Variants in ABCB1 observed in about 807,000 individuals in gnomAD.
ABCB1 encodes ATP binding cassette subfamily B member 1.
ABCB1 carries 69 observed loss-of-function variants against 142.0 expected under a neutral mutation model. That is an observed-to-expected ratio of 0.49 (90% confidence interval 0.40 to 0.59). The LOEUF is 0.59. ABCB1 is among the 20% of genes least tolerant of loss of function. ABCB1 has a pLI of 0.00. For missense variants in ABCB1, 1,326 were observed against 1,554.7 expected (o/e 0.85, Z 2.47); for synonymous variants, 532 against 539.2 (o/e 0.99, Z 0.18).
intron 1 of ABCB1, among the ~76,000 whole-genome samples, chr7:87,612,635 C>A (rs1819892354): frequency 1.3e-5 from 2 of 152,106 alleles, no homozygotes; most frequent in South Asian, 4.1e-4. Context: ...TACTTTTATA[C>A]CAGTACCATG....
At chr7:87,658,580 A>G (rs1415195360) in intron 1 of ABCB1, among the ~76,000 whole-genome samples, 1 of 152,230 alleles carries the variant, frequency 6.6e-6, no homozygotes, top group South Asian at 2.1e-4. Context: ...TTCATGCCAA[A>G]GGCACGATAA....
At chr7:87,579,641 C>T (rs1818423537) in intron 4 of ABCB1, among the ~76,000 whole-genome samples, 1 of 151,766 alleles carries the variant, frequency 6.6e-6, no homozygotes, top group Non-Finnish European at 1.5e-5. Context: ...GAATTTAGTC[C>T]ATTTAGATTC....
At position 87,566,149 on chromosome 7, in the gene ABCB1, A is replaced by T. The variant is rs1817774866; in HGVS notation, c.623T>A (p.Phe208Tyr). 2 of 1,614,196 alleles carry T rather than the reference A, an allele frequency of 1.2e-6. No homozygotes were observed. Among genetic ancestry groups the T allele is most frequent in the Non-Finnish European group, 1.7e-6 (2 of 1,180,034 alleles). ...ATFFTGFIVG[F>Y]TRGWKLTLVI... ...AAGGGTTAGCTTCCAACCACGTGTA[A>T]ATCCTACTATAAACCCAGTGAAAAA... The change falls in exon 7 of 28, where the codon TTT becomes TAT. Residue 208 changes from phenylalanine (F) to tyrosine (Y), a missense_variant. Phe to Tyr is a conservative substitution (Grantham distance 22). Transcript: ENST00000622132.
chr7:87,672,391 C>T (rs1215122709), intron 1 of ABCB1, among the ~76,000 whole-genome samples: 1 of 152,164 alleles, frequency 6.6e-6, no homozygotes, highest in Admixed American at 6.5e-5. Context: ...CCCACCCCTC[C>T]CCTGGACGCT....
intron 19 of ABCB1, among the ~76,000 whole-genome samples, chr7:87,539,017 G>C (rs965572730): frequency 6.6e-6 from 1 of 152,188 alleles, no homozygotes; most frequent in African/African-American, 2.4e-5. Context: ...TGAGACACAG[G>C]CTGGAGGTGA....
intron 1 of ABCB1, among the ~76,000 whole-genome samples, chr7:87,683,974 C>T (rs1051104185): frequency 6.6e-6 from 1 of 152,050 alleles, no homozygotes; most frequent in South Asian, 2.1e-4. Context: ...AACTGGAATG[C>T]AAGAATGCTT....
chr7:87,577,524 A>G (rs1818319777), intron 4 of ABCB1, among the ~76,000 whole-genome samples: 2 of 152,188 alleles, frequency 1.3e-5, no homozygotes, highest in Admixed American at 1.3e-4. Flanking sequence ...TACATTCTCA[A>G]AAATGTACAA....
chr7:87,539,502 C>T (rs1381795652), intron 18 of ABCB1, among the ~76,000 whole-genome samples, 157 bp from the exon 19 acceptor site: 3 of 152,146 alleles, frequency 2.0e-5, no homozygotes, highest in Admixed American at 6.5e-5. Context: ...TGGCACAAGG[C>T]TGTACGGGTG....
intron 1 of ABCB1, among the ~76,000 whole-genome samples, chr7:87,701,070 G>A (rs1828993614): frequency 6.6e-6 from 1 of 152,148 alleles, no homozygotes. Context: ...AATATCCTGA[G>A]TAATAAAATG....
At chr7:87,509,137 G>C in intron 26 of ABCB1, 138 bp downstream of exon 26, 1 of 842,698 alleles carries the variant, frequency 1.2e-6, no homozygotes, top group South Asian at 1.4e-5. Flanking sequence ...AGTGTGGCCA[G>C]ATGCTTGTAT....
intron 25 of ABCB1, among the ~76,000 whole-genome samples, chr7:87,514,303 G>A (rs1347823923): frequency 2.0e-5 from 3 of 152,086 alleles, no homozygotes; most frequent in Admixed American, 6.6e-5. Context: ...TCACTTCTCA[G>A]TACAACTAAT....
chr7:87,619,153 A>G (rs1820130763), intron 1 of ABCB1, among the ~76,000 whole-genome samples: 1 of 152,204 alleles, frequency 6.6e-6, no homozygotes, highest in Admixed American at 6.5e-5. Context: ...AAACTAATAT[A>G]ACTGCTAAAC....
intron 1 of ABCB1, among the ~76,000 whole-genome samples, chr7:87,638,165 A>T (rs1334190261): frequency 6.6e-6 from 1 of 152,130 alleles, no homozygotes; most frequent in Non-Finnish European, 1.5e-5. Context: ...TAAAAAAACA[A>T]TCAGTTGTGA....
At chr7:87,672,856 T>G (rs538725162) in intron 1 of ABCB1, among the ~76,000 whole-genome samples, 1 of 152,294 alleles carries the variant, frequency 6.6e-6, no homozygotes, top group South Asian at 2.1e-4. Flanking sequence ...TGTCTTGCTT[T>G]TCTTCATTCT....
intron 4 of ABCB1, among the ~76,000 whole-genome samples, chr7:87,580,455 T>C (rs1318165922): frequency 1.3e-5 from 2 of 152,198 alleles, no homozygotes; most frequent in Non-Finnish European, 2.9e-5. Context: ...ATTTGTTCCT[T>C]TTCTCTTGCT....
At chr7:87,521,449 T>C in intron 21 of ABCB1, 1 of 703,412 alleles carries the variant, frequency 1.4e-6, no homozygotes. Flanking sequence ...AGTCTCTCTT[T>C]CCCCTGCCGT....
intron 1 of ABCB1, among the ~76,000 whole-genome samples, chr7:87,612,666 G>A (rs1180166824): frequency 6.6e-6 from 1 of 151,858 alleles, no homozygotes; most frequent in African/African-American, 2.4e-5. Context: ...TACTATAATC[G>A]TATAGTATAA....
In ABCB1 at chr7:87,694,064, A is replaced by T. The variant is rs1024578069; in HGVS notation, c.-331+19097T>A. ...TAAGTGATCTTTTTTAGTACATTGC[A>T]TGGGTTTTGTAAAGCCTTCTTTTTT... On this transcript the variant is annotated intron_variant, in intron 1 of 28. Coordinates refer to the ABCB1 transcript ENST00000265724. 2.0e-6 allele frequency: 3 copies of T among 1,532,304 alleles called. No homozygotes were observed. In the African/African-American group the frequency reaches 4.3e-5, roughly 22 times the overall value. The allele number at this position is 1,532,304 out of a possible 1,614,324, so 94.9% of individuals were successfully genotyped here.
intron 1 of ABCB1, among the ~76,000 whole-genome samples, chr7:87,651,180 A>G (rs1823534406): frequency 6.6e-6 from 1 of 152,194 alleles, no homozygotes; most frequent in Non-Finnish European, 1.5e-5. Flanking sequence ...TTCCATAAGT[A>G]ATTAAAATAA....
Sources: allele counts gnomAD v4.1 joint callset (sites outside exome capture counted in the v4.1 genomes callset), GRCh38; gene constraint gnomAD v4.1.1; transcripts MANE v1.5; gene names NCBI Gene and HGNC (gene_info 2026-07-23, HGNC 2026-07-21).